Variants in SOX5 observed in about 807,000 individuals in gnomAD.
The protein encoded by SOX5 is transcription factor SOX-5.
A neutral mutation model predicts 92.0 loss-of-function variants in SOX5; 9 were observed. That is an observed-to-expected ratio of 0.10 (90% CI 0.06 to 0.17). SOX5 has a LOEUF of 0.17. Ranked by LOEUF, SOX5 falls within the 10% of genes least tolerant of loss-of-function variation. SOX5 has a pLI of 1.00. For synonymous variants in SOX5, 344 were observed against 336.3 expected (o/e 1.02, Z -0.25); for missense variants, 642 against 944.5 (o/e 0.68, Z 4.20).
intron 12 of SOX5, 83 bp downstream of exon 12, chr12:23,546,228 TGTCTA>T: frequency 2.7e-6 from 2 of 739,334 alleles, no homozygotes; most frequent in Non-Finnish European, 4.7e-6. Context: ...ATGAGGTGGC[TGTCTA>T]GTCTATTTTT....
At chr12:23,913,070 A>G (rs1379942691) in intron 1 of SOX5, among the ~76,000 whole-genome samples, 1 of 152,240 alleles carries the variant, frequency 6.6e-6, no homozygotes, top group Non-Finnish European at 1.5e-5. Flanking sequence ...GATAGAAACT[A>G]GCTCAGAGAT....
intron 2 of SOX5, among the ~76,000 whole-genome samples, chr12:24,300,497 C>G (rs1472622939): frequency 1.3e-5 from 2 of 152,288 alleles, no homozygotes; most frequent in East Asian, 3.9e-4. Flanking sequence ...CCAATATTCA[C>G]TAAGCAACAT....
At chr12:24,441,609 C>A (rs1288869480) in intron 1 of SOX5, among the ~76,000 whole-genome samples, 2 of 152,110 alleles carry the variant, frequency 1.3e-5, no homozygotes, top group East Asian at 3.9e-4. Context: ...GACACAAGTT[C>A]ATGGTAAGTT....
chr12:24,450,623 T>A (rs1462088710), intron 1 of SOX5, among the ~76,000 whole-genome samples: 3 of 152,052 alleles, frequency 2.0e-5, no homozygotes, highest in Non-Finnish European at 4.4e-5. Flanking sequence ...GCCTCCCAAG[T>A]AGCTGGGACT....
chr12:24,273,373 A>G (rs1179257530), intron 3 of SOX5, among the ~76,000 whole-genome samples: 2 of 152,236 alleles, frequency 1.3e-5, no homozygotes, highest in Admixed American at 1.3e-4. Flanking sequence ...TTTCCTTTAT[A>G]GTTATAGAAC....
At chr12:23,577,272 G>A (rs553339794) in intron 9 of SOX5, among the ~76,000 whole-genome samples, 15 of 142,030 alleles carry the variant, frequency 1.1e-4, no homozygotes, top group Admixed American at 2.2e-4. Context: ...TCGGCTCATC[G>A]TGATCTCCGC....
intron 8 of SOX5, among the ~76,000 whole-genome samples, chr12:23,628,755 T>C (rs2078155797): frequency 6.6e-6 from 1 of 151,808 alleles, no homozygotes; most frequent in African/African-American, 2.4e-5. Flanking sequence ...ATACTGAAAC[T>C]TCCACAGGAA....
At chr12:24,120,936 T>C (rs1593342564) in intron 4 of SOX5, among the ~76,000 whole-genome samples, 2 of 152,150 alleles carry the variant, frequency 1.3e-5, no homozygotes, top group African/African-American at 4.8e-5. Flanking sequence ...AAATTTACAG[T>C]CCTTGTGGTT....
Position 24,081,184 on chromosome 12 carries a change from C to T in SOX5, c.-2+132159G>A, listed in dbSNP as rs183131003. 1.9e-3 allele frequency among the ~76,000 whole-genome samples: 296 copies of T among 152,036 alleles called. 1 individual carries two copies. The highest frequency in any genetic ancestry group is 3.2e-3 in the Non-Finnish European group (218 of 67,904). On this transcript the variant is annotated intron_variant, in intron 4 of 4. Transcript: ENST00000446891. ...CTTCCCCATAACTCTACAGAGCTCG[C>T]GCTGCCATATAACTGGGAATCAGAG...
At chr12:23,838,991 C>G (rs1410986395) in intron 3 of SOX5, among the ~76,000 whole-genome samples, 1 of 150,640 alleles carries the variant, frequency 6.6e-6, no homozygotes, top group Non-Finnish European at 1.5e-5. Flanking sequence ...AGGTGCCCAC[C>G]ACCACACCCA....
At chr12:23,592,908 A>G (rs1326551848) in intron 9 of SOX5, among the ~76,000 whole-genome samples, 4 of 151,982 alleles carry the variant, frequency 2.6e-5, no homozygotes, top group Non-Finnish European at 5.9e-5. Context: ...GTGAAACCCC[A>G]TCTCTACTAA....
Position 23,895,821 on chromosome 12 carries a change from C to T in SOX5, c.242G>A (p.Arg81Lys). 2 of 1,613,754 alleles carry T rather than the reference C, an allele frequency of 1.2e-6. No individual in the cohort carries two copies. The highest frequency in any genetic ancestry group is 1.7e-6 in the Non-Finnish European group (2 of 1,179,668). The change falls in exon 2 of 15, where the codon AGG becomes AAG. Residue 81 changes from arginine (R) to lysine (K), a missense_variant. Physicochemically the swap from Arg to Lys is conservative, Grantham distance 26. Coordinates refer to ENST00000451604, the MANE Select transcript of SOX5 (RefSeq NM_006940.6). ...TGTATTGTGCTGAGAAGTGGGAGTC[C>T]TATGGCCACAAGTCTCTTGCGTCAG... ...SLLTQETCGH[R>K]TPTSQHNTME... is the part of the protein sequence containing the mutation.
chr12:23,766,140 A>G (rs2094719045), intron 3 of SOX5, among the ~76,000 whole-genome samples: 2 of 152,202 alleles, frequency 1.3e-5, no homozygotes, highest in South Asian at 4.1e-4. Context: ...GTATTCCCAT[A>G]AAGTAAAAGT....
chr12:23,891,384 T>A (rs921359987), intron 2 of SOX5, among the ~76,000 whole-genome samples: 1 of 152,220 alleles, frequency 6.6e-6, no homozygotes, highest in African/African-American at 2.4e-5. Flanking sequence ...GAATAGTAAT[T>A]AAGTGTACAG....
At chr12:23,793,607 G>T (rs1487944228) in intron 3 of SOX5, among the ~76,000 whole-genome samples, 1 of 152,152 alleles carries the variant, frequency 6.6e-6, no homozygotes, top group Non-Finnish European at 1.5e-5. Flanking sequence ...GCAAATTTAG[G>T]GTAAGCAAGA....
intron 1 of SOX5, among the ~76,000 whole-genome samples, chr12:24,509,183 A>G (rs1390960079): frequency 6.6e-6 from 1 of 152,236 alleles, no homozygotes; most frequent in Non-Finnish European, 1.5e-5. Flanking sequence ...AATGAAGCCT[A>G]TGAACTATAT....
chr12:24,426,221 A>G (rs1404502656), intron 1 of SOX5, among the ~76,000 whole-genome samples: 2 of 151,098 alleles, frequency 1.3e-5, no homozygotes, highest in East Asian at 3.9e-4. Flanking sequence ...AAACAAACAA[A>G]CAAAAAAAAC....
chr12:23,878,599 C>T (rs10771040), intron 2 of SOX5, among the ~76,000 whole-genome samples: 102,070 of 151,842 alleles, frequency 0.67, 34,428 homozygotes, highest in East Asian at 0.88. Flanking sequence ...TTTCTTTTTG[C>T]TTGTCTTTTT....
At chr12:23,705,173 T>C (rs539663482) in intron 6 of SOX5, among the ~76,000 whole-genome samples, 36 of 151,992 alleles carry the variant, frequency 2.4e-4, no homozygotes, top group Non-Finnish European at 3.8e-4. Flanking sequence ...ATCTTGATAA[T>C]AAAAGAAAGG....
Sources: allele counts gnomAD v4.1 joint callset (sites outside exome capture counted in the v4.1 genomes callset), GRCh38; gene constraint gnomAD v4.1.1; transcripts MANE v1.5; gene names NCBI Gene and HGNC (gene_info 2026-07-23, HGNC 2026-07-21).